The following KLHDC10 variants were observed in gnomAD, a reference collection of about 807,000 sequenced individuals.
KLHDC10 encodes the protein kelch domain containing 10, also known as kelch domain-containing protein 10.
In KLHDC10, 24 loss-of-function variants were observed where a neutral mutation model predicts 56.1. That is an observed-to-expected ratio of 0.43 (90% CI 0.31 to 0.60). KLHDC10 has a LOEUF of 0.60. Ranked by LOEUF, KLHDC10 falls within the 20% of genes least tolerant of loss-of-function variation. The pLI is 0.11. For missense variants in KLHDC10, 349 were observed against 567.0 expected (o/e 0.62, Z 3.91); for synonymous variants, 188 against 207.1 (o/e 0.91, Z 0.79).
At chr7:130,095,671 C>T (rs958683978) in intron 1 of KLHDC10, among the ~76,000 whole-genome samples, 7 of 152,110 alleles carry the variant, frequency 4.6e-5, no homozygotes, top group African/African-American at 1.7e-4. Context: ...TCTCTATGTA[C>T]AAGTTCTGTA....
chr7:130,121,971 C>A, intron 4 of KLHDC10, 83 bp from the exon 5 acceptor site: 2 of 1,197,058 alleles, frequency 1.7e-6, no homozygotes, highest in South Asian at 1.9e-5. Context: ...TTCATAAAAC[C>A]TGATTTGGAG....
chr7:130,110,590 T>C (rs918536296), intron 2 of KLHDC10, among the ~76,000 whole-genome samples: 3 of 152,186 alleles, frequency 2.0e-5, no homozygotes, highest in East Asian at 1.9e-4. Flanking sequence ...AAGTTGTACC[T>C]GCCTTTTGGG....
rs528207229 is a variant in KLHDC10 at position 130,104,624 on chromosome 7, C to T, written c.253+7617C>T. On this transcript the variant is annotated intron_variant, in intron 2 of 9. Coordinates refer to ENST00000335420, the MANE Select transcript of KLHDC10 (RefSeq NM_014997.4). ...ATAAAGAAGAGGTTTAATTGACTCA[C>T]GGTTCTGCAGGCTGTATAGGAAGCA... Among the ~76,000 whole-genome samples, 14 of 152,296 alleles carry T rather than the reference C, an allele frequency of 9.2e-5. No individual in the cohort carries two copies. The South Asian group carries it at 1.9e-3, about 20-fold the overall frequency.
chr7:130,129,337 C>A, intron 8 of KLHDC10, 100 bp from the exon 9 acceptor site: 1 of 1,370,662 alleles, frequency 7.3e-7, no homozygotes, highest in South Asian at 1.4e-5. Context: ...CAATCCACTT[C>A]ACTGGCCGCA....
chr7:130,122,645 G>A (rs1481281857), intron 5 of KLHDC10, among the ~76,000 whole-genome samples: 2 of 152,098 alleles, frequency 1.3e-5, no homozygotes, highest in Non-Finnish European at 2.9e-5. Context: ...GACCTCCTGG[G>A]CTCAAGGCAT....
intron 2 of KLHDC10, among the ~76,000 whole-genome samples, chr7:130,103,318 C>T (rs993994866): frequency 4.0e-5 from 6 of 150,446 alleles, no homozygotes; most frequent in South Asian, 2.1e-4. Context: ...CCCCGCTACT[C>T]GGGAGGCTGA....
chr7:130,128,889 A>AAAAAAAAATATATATATAT, intron 8 of KLHDC10, among the ~76,000 whole-genome samples: 12 of 66,942 alleles, frequency 1.8e-4, no homozygotes, highest in African/African-American at 5.1e-4. Flanking sequence ...AAAAAAAAAA[A>AAAAAAAAATATATATATAT]ATATATATAT....
intron 2 of KLHDC10, among the ~76,000 whole-genome samples, chr7:130,103,678 A>G (rs967815545): frequency 4.6e-4 from 70 of 152,308 alleles, no homozygotes; most frequent in African/African-American, 1.7e-3. Context: ...ATTATTCTCA[A>G]GACAGAATTC....
At chr7:130,081,912 A>G (rs1795613531) in intron 1 of KLHDC10, among the ~76,000 whole-genome samples, 1 of 152,140 alleles carries the variant, frequency 6.6e-6, no homozygotes, top group Non-Finnish European at 1.5e-5. Context: ...CTAGAGCTAG[A>G]GTCTCTTTTC....
In KLHDC10 at chr7:130,097,892, A is replaced by G. The variant is rs149767638; in HGVS notation, c.253+885A>G. ...TCCATACTGAAAAAAGAAAATCTCA[A>G]AAGAGGGTTGAAAACTCTGGTTCAC... On this transcript the variant is annotated intron_variant, in intron 2 of 9. Transcript: ENST00000335420. Among the ~76,000 whole-genome samples the G allele has an allele frequency of 5.5e-3, 831 of 152,306 alleles. 4 individuals carry two copies. Among genetic ancestry groups the G allele is most frequent in the Middle Eastern group, 0.031 (9 of 294 alleles).
intron 8 of KLHDC10, among the ~76,000 whole-genome samples, chr7:130,128,889 A>AAAAAAAAAAAAAAAATATATATATATAT: frequency 2.1e-4 from 14 of 66,942 alleles, no homozygotes; most frequent in Non-Finnish European, 3.3e-4. Flanking sequence ...AAAAAAAAAA[A>AAAAAAAAAAAAAAAATATATATATATAT]ATATATATAT....
chr7:130,086,608 C>T (rs1465651236), intron 1 of KLHDC10, among the ~76,000 whole-genome samples: 1 of 152,108 alleles, frequency 6.6e-6, no homozygotes, highest in African/African-American at 2.4e-5. Flanking sequence ...AGTATTCTTT[C>T]TGCATCTGTC....
chr7:130,098,313 T>C (rs1338007368), intron 2 of KLHDC10, among the ~76,000 whole-genome samples: 1 of 152,030 alleles, frequency 6.6e-6, no homozygotes, highest in African/African-American at 2.4e-5. Context: ...GACAACACGG[T>C]GAAACCCTGT....
Position 130,129,462 on chromosome 7 carries a change from T to C in KLHDC10, c.1005T>C (p.Asn335=). The change falls in exon 9 of 10, where the codon AAT becomes AAC. Residue 335 remains asparagine, a synonymous_variant. Coordinates refer to ENST00000335420, the MANE Select transcript of KLHDC10 (RefSeq NM_014997.4). ...ATGTATTTATTTGTGGGGGCTATAA[T>C]GGAGAGGTGATCCTGGGAGATATCT... The part of the protein sequence containing the change: ...KNDVFICGGY[N]GEVILGDIWK... The C allele has an allele frequency of 6.2e-7, 1 of 1,614,186 alleles. No individual in the cohort carries two copies. The highest frequency in any genetic ancestry group is 8.5e-7 in the Non-Finnish European group (1 of 1,180,042).
chr7:130,126,136 T>G (rs1436616947), intron 7 of KLHDC10, among the ~76,000 whole-genome samples: 1 of 151,664 alleles, frequency 6.6e-6, no homozygotes, highest in Non-Finnish European at 1.5e-5. Context: ...AGCAACATGG[T>G]GAGACCCTGT....
At chr7:130,114,841 C>T (rs1290988181) in intron 2 of KLHDC10, among the ~76,000 whole-genome samples, 19 of 151,464 alleles carry the variant, frequency 1.3e-4, no homozygotes, top group Admixed American at 1.3e-3. Context: ...TAGACTAGGC[C>T]AAGGTGTAAG....
intron 1 of KLHDC10, among the ~76,000 whole-genome samples, chr7:130,091,045 A>G (rs941422879): frequency 5.9e-5 from 9 of 152,114 alleles, no homozygotes; most frequent in East Asian, 1.9e-4. Flanking sequence ...GCATGTATCA[A>G]TAGTTCATGG....
In KLHDC10 at chr7:130,097,146, C is replaced by G. The variant is rs1795860949; in HGVS notation, c.253+139C>G. 1.1e-5 allele frequency: 6 copies of G among 555,724 alleles called. No homozygotes were observed. In the South Asian group the frequency reaches 1.8e-4, roughly 16 times the overall value. 34.4% of individuals were successfully genotyped at this position (555,724 alleles called of 1,614,324 possible). A position where few individuals can be genotyped will look rare whatever the true frequency, so the allele number is the denominator to read the frequency against. On this transcript the variant is annotated intron_variant, in intron 2 of 9. Coordinates refer to ENST00000335420, the MANE Select transcript of KLHDC10 (RefSeq NM_014997.4). ...CAGTTGGAATAAGAAAAATCTAGAACTTAATTTTAAACCTGTTTCTTGTTG... is the reference window on the plus strand; with the variant it reads ...CAGTTGGAATAAGAAAAATCTAGAAGTTAATTTTAAACCTGTTTCTTGTTG...
Position 130,120,873 on chromosome 7 carries a change from G to A in KLHDC10, c.600G>A (p.Arg200=), listed in dbSNP as rs765101069. Residue 200 remains arginine, a synonymous_variant, in exon 4 of 10, where the codon CGG becomes CGA. Transcript: ENST00000335420. This position sits in a 1 kb window ranked among gnomAD's most constrained non-coding sequence, Gnocchi z 5.1. ...KYKRWALLSC[R]GKKPSRIYGQ... ...AGAGATGGGCTTTGCTCAGCTGTCG[G>A]GGGAAGAAACCCAGTCGTATATATG... The A allele has an allele frequency of 1.2e-6, 2 of 1,614,102 alleles. No individual in the cohort carries two copies. The highest frequency in any genetic ancestry group is 4.5e-5 in the East Asian group (2 of 44,880).
Sources: gnomAD v4.1 joint callset for allele counts (sites outside exome capture counted in the v4.1 genomes callset) on GRCh38, gnomAD v4.1.1 for gene constraint, Gnocchi (gnomAD v3.1) non-coding constraint, MANE v1.5 for transcripts, NCBI Gene and HGNC (gene_info 2026-07-23, HGNC 2026-07-21) for gene names.